The following PKD1L3 variants were observed in gnomAD, a reference collection of about 807,000 sequenced individuals.
PKD1L3 encodes the protein polycystin-1-like protein 3.
Under a neutral mutation model 184.1 loss-of-function variants are expected in PKD1L3, and 239 were observed. The observed-to-expected ratio is 1.30, with a 90% CI of 1.17 to 1.45. The LOEUF is 1.45. Among genes scored for constraint, PKD1L3 ranks in the 40% most tolerant of loss-of-function variants. The probability of loss-of-function intolerance (pLI) is 0.00; values close to 1 mark genes in which losing one functional copy is unlikely to be tolerated. For missense variants in PKD1L3, 2,660 were observed against 2,067.2 expected, an observed-to-expected ratio of 1.29 and a Z score of -5.56; for synonymous variants, 996 against 778.8, an observed-to-expected ratio of 1.28 and a Z score of -4.64.
chr16:71,959,405 C>T (rs371930753), intron 16 of PKD1L3, among the ~76,000 whole-genome samples: 18 of 152,026 alleles, frequency 1.2e-4, no homozygotes, highest in East Asian at 7.7e-4. Flanking sequence ...AGCAAAAATC[C>T]GTCTCAAAAA....
At chr16:71,990,706 C>T (rs1399594004) in intron 3 of PKD1L3, among the ~76,000 whole-genome samples, 1 of 151,984 alleles carries the variant, frequency 6.6e-6, no homozygotes, top group Non-Finnish European at 1.5e-5. Flanking sequence ...TGCACTCTAG[C>T]CTGGGCAACA....
At chr16:71,991,152 TACAGACCC>T (rs1217857018) in intron 3 of PKD1L3, 1 of 181,058 alleles carries the variant, frequency 5.5e-6, no homozygotes, top group African/African-American at 2.4e-5. Context: ...TGCAGTTCCT[TACAGACCC>T]AGCATGCCTG....
intron 28 of PKD1L3, among the ~76,000 whole-genome samples, chr16:71,931,704 TCAG>T (rs2143086638): frequency 6.6e-6 from 1 of 152,150 alleles, no homozygotes; most frequent in African/African-American, 2.4e-5. Context: ...CCTCAAGTGA[TCAG>T]CCCCACCTTG....
intron 16 of PKD1L3, among the ~76,000 whole-genome samples, chr16:71,954,735 A>G (rs966395120): frequency 6.6e-6 from 1 of 152,220 alleles, no homozygotes; most frequent in Admixed American, 6.5e-5. Flanking sequence ...AACCAAAAAG[A>G]CTTTGCTGGG....
chr16:71,992,403 G>C (rs549055791), intron 3 of PKD1L3, among the ~76,000 whole-genome samples: 2 of 152,160 alleles, frequency 1.3e-5, no homozygotes, highest in East Asian at 1.9e-4. Context: ...CACATGTTAC[G>C]TAAGGTAATA....
intron 2 of PKD1L3, among the ~76,000 whole-genome samples, chr16:71,994,203 C>G (rs776904115): frequency 1.3e-5 from 2 of 152,146 alleles, no homozygotes; most frequent in Non-Finnish European, 2.9e-5. Context: ...TCGTGAAGCT[C>G]GAGCAGCCTG....
chr16:71,976,455 T>C (rs1218819345), intron 11 of PKD1L3, among the ~76,000 whole-genome samples: 1 of 150,408 alleles, frequency 6.6e-6, no homozygotes, highest in African/African-American at 2.5e-5. Context: ...TGGGGTTTCA[T>C]CATGTTGACC....
rs2038766336 is a variant in PKD1L3, at chr16:71,949,979, CCTT to C, written c.3419_3421del (p.Glu1140del). The stretch of plus-strand genomic sequence containing the variant: ...CAGGCCATTTGAGATGGGCTTTTTT[CCTT>C]CTTCTGAGCTCAGGATGGCAAAACT... On this transcript the variant is annotated inframe_deletion, in exon 21 of 30. Coordinates refer to ENST00000620267, the MANE Select transcript of PKD1L3 (RefSeq NM_181536.2). The C allele has an allele frequency of 6.4e-7, 1 of 1,551,466 alleles. No homozygotes were observed. Among genetic ancestry groups the C allele is most frequent in the Non-Finnish European group, 8.7e-7 (1 of 1,146,976 alleles).
Position 71,980,121 on chromosome 16 carries a change from A to G in PKD1L3, c.1157T>C (p.Leu386Pro). 6.4e-7 allele frequency: 1 copy of G among 1,551,650 alleles called. No individual in the cohort carries two copies. Among genetic ancestry groups the G allele is most frequent in the Non-Finnish European group, 8.7e-7 (1 of 1,146,906 alleles). Residue 386 changes from leucine (L) to proline (P), a missense_variant, in exon 8 of 30, where the codon CTG (leucine) becomes CCG (proline). Physicochemically the swap from Leu to Pro is moderately conservative, Grantham distance 98. Transcript: ENST00000620267. The stretch of plus-strand genomic sequence containing the variant: ...CCCAAACTCCACCAAGGACATTTCC[A>G]GGATGTCTTCTACCTGCATGGAAAG... Reference protein sequence around the residue: ...KRHTEPVEDILEMSLVEFGNI... With the variant: ...KRHTEPVEDIPEMSLVEFGNI...
intron 16 of PKD1L3, among the ~76,000 whole-genome samples, chr16:71,962,067 G>A (rs2039301247): frequency 6.6e-6 from 1 of 151,826 alleles, no homozygotes; most frequent in Non-Finnish European, 1.5e-5. Flanking sequence ...TGGGACTACA[G>A]TCTCATGCTA....
intron 24 of PKD1L3, among the ~76,000 whole-genome samples, chr16:71,942,043 G>A (rs1326144076): frequency 2.0e-5 from 3 of 151,982 alleles, no homozygotes; most frequent in African/African-American, 7.2e-5. Context: ...GGCTGGGCAC[G>A]GTGGCTCATA....
intron 24 of PKD1L3, among the ~76,000 whole-genome samples, chr16:71,941,233 A>C (rs1277775912): frequency 6.6e-6 from 1 of 150,958 alleles, no homozygotes; most frequent in African/African-American, 2.5e-5. Flanking sequence ...GAGACAGTAA[A>C]GGATCAGAAG....
intron 25 of PKD1L3, among the ~76,000 whole-genome samples, chr16:71,936,020 TC>T (rs2038162900): frequency 6.6e-6 from 1 of 151,922 alleles, no homozygotes; most frequent in Non-Finnish European, 1.5e-5. Flanking sequence ...AGTCTTGAAC[TC>T]CTGGCTTCAA....
chr16:71,966,875 G>A (rs139082689), intron 15 of PKD1L3, among the ~76,000 whole-genome samples: 1 of 152,130 alleles, frequency 6.6e-6, no homozygotes, highest in African/African-American at 2.4e-5. Context: ...GTTATTTGCT[G>A]TTCACAATCA....
At chr16:71,969,688 TAGAG>T (rs71391428) in intron 13 of PKD1L3, among the ~76,000 whole-genome samples, 183 bp downstream of exon 13, 17,803 of 151,716 alleles carry the variant, frequency 0.12, 1,361 homozygotes, top group Middle Eastern at 0.2. Flanking sequence ...GAAAAAAAAA[TAGAG>T]AGAAAAAGTT....
chr16:71,994,945 G>C (rs1240335520), intron 2 of PKD1L3, among the ~76,000 whole-genome samples: 1 of 151,962 alleles, frequency 6.6e-6, no homozygotes, highest in Non-Finnish European at 1.5e-5. Context: ...CCAAGATCAC[G>C]CCATTACACT....
Position 71,942,576 on chromosome 16 carries a change from G to T in PKD1L3, c.4308C>A (p.Phe1436Leu). ...TCCAGTTACCTCTCATGATGTAACTGAATCCATTCTCATTCTTGCTTGTCA... is the reference window on the plus strand; with the variant it reads ...TCCAGTTACCTCTCATGATGTAACTTAATCCATTCTCATTCTTGCTTGTCA... ...ERLTSKNENG[F>L]SYIMRGAFFT... The change falls in exon 24 of 30, where the codon TTC (phenylalanine) becomes TTA (leucine). Residue 1436 changes from phenylalanine (F) to leucine (L), a missense_variant. Transcript: ENST00000620267. The T allele has an allele frequency of 6.4e-7, 1 of 1,551,422 alleles. No homozygotes were observed.
chr16:71,949,778 C>A lies in PKD1L3; in HGVS notation c.3618+5G>T. The A allele has an allele frequency of 1.3e-6, 2 of 1,548,348 alleles. No individual in the cohort carries two copies. Among genetic ancestry groups the A allele is most frequent in the Non-Finnish European group, 1.7e-6 (2 of 1,145,194 alleles). On this transcript the variant is annotated splice_donor_5th_base_variant and intron_variant, in intron 21 of 29. Transcript: ENST00000620267. ...CTCCAATGGTTCTTCCCATCCCTCA[C>A]ATACCTTTACTGGCTGGCTGATGAA...
chr16:71,977,127 C>G (rs2039956545), intron 11 of PKD1L3, 109 bp downstream of exon 11: 1 of 803,772 alleles, frequency 1.2e-6, no homozygotes, highest in Non-Finnish European at 2.0e-6. Flanking sequence ...GCAGGAGGAT[C>G]CCCTGAGCCT....
Sources: allele counts gnomAD v4.1 joint callset (sites outside exome capture counted in the v4.1 genomes callset), GRCh38; gene constraint gnomAD v4.1.1; transcripts MANE v1.5; gene names NCBI Gene and HGNC (gene_info 2026-07-23, HGNC 2026-07-21).